The following EPHA6 variants were observed in gnomAD, a reference collection of about 807,000 sequenced individuals.
EPHA6 encodes EPH receptor A6, also known as ephrin type-A receptor 6.
A neutral mutation model predicts 112.0 loss-of-function variants in EPHA6; 50 were observed. The ratio of observed to expected loss-of-function variants is 0.45; its 90% confidence interval spans 0.36 to 0.56. The LOEUF is 0.56. Among genes scored for constraint, EPHA6 ranks in the 20% least tolerant of loss-of-function variants. The pLI, the probability that EPHA6 is intolerant of heterozygous loss-of-function variation, is 0.00. For missense variants in EPHA6, 1,280 were observed against 1,417.4 expected (o/e 0.90, Z 1.56); for synonymous variants, 529 against 490.7 (o/e 1.08, Z -1.03).
chr3:96,922,750 C>T (rs1262644335), intron 2 of EPHA6, among the ~76,000 whole-genome samples: 1 of 151,982 alleles, frequency 6.6e-6, no homozygotes, highest in Non-Finnish European at 1.5e-5. Flanking sequence ...TATCCCATCA[C>T]CTATGTATTA....
At chr3:97,639,732 G>A (rs1450484939) in intron 14 of EPHA6, among the ~76,000 whole-genome samples, 1 of 152,090 alleles carries the variant, frequency 6.6e-6, no homozygotes, top group African/African-American at 2.4e-5. Flanking sequence ...TTAACAACCA[G>A]ACTCTTGGCA....
chr3:97,093,850 C>T (rs772483982), intron 3 of EPHA6, among the ~76,000 whole-genome samples: 1 of 152,082 alleles, frequency 6.6e-6, no homozygotes, highest in Non-Finnish European at 1.5e-5. Context: ...AATGAACATT[C>T]TTTCCCACGG....
Position 96,899,421 on chromosome 3 carries a change from A to C in EPHA6, c.450+32532A>C, listed in dbSNP as rs577246143. ...TTTTACCAGTTCTAGGGGGAACATG[A>C]AGTTTTGGGAAAAACTACTACAAGT... On this transcript the variant is annotated intron_variant, in intron 2 of 17. Transcript: ENST00000389672. Among the ~76,000 whole-genome samples the C allele has an allele frequency of 4.6e-5, 7 of 152,362 alleles. No individual in the cohort carries two copies. The East Asian group carries it at 1.3e-3, about 29-fold the overall frequency.
At chr3:96,923,477 T>C (rs2039877835) in intron 2 of EPHA6, among the ~76,000 whole-genome samples, 2 of 150,830 alleles carry the variant, frequency 1.3e-5, no homozygotes, top group Admixed American at 6.6e-5. Flanking sequence ...TGCCTACTAT[T>C]TAAGGTTTTT....
At chr3:96,954,505 C>T (rs1236519797) in intron 2 of EPHA6, among the ~76,000 whole-genome samples, 2 of 152,078 alleles carry the variant, frequency 1.3e-5, no homozygotes, top group African/African-American at 4.8e-5. Context: ...TCTTTTCATG[C>T]TCTTACCCCA....
At chr3:97,732,606 A>G (rs2035085791) in intron 15 of EPHA6, among the ~76,000 whole-genome samples, 1 of 152,094 alleles carries the variant, frequency 6.6e-6, no homozygotes, top group African/African-American at 2.4e-5. Context: ...TAAAAAATAT[A>G]AGTTTCTTCT....
At chr3:97,479,762 T>C (rs1034122153) in intron 9 of EPHA6, among the ~76,000 whole-genome samples, 3 of 152,194 alleles carry the variant, frequency 2.0e-5, no homozygotes, top group African/African-American at 7.2e-5. Flanking sequence ...ATATAACAAA[T>C]CAATTTACAA....
chr3:97,131,840 C>T (rs909794785), intron 3 of EPHA6, among the ~76,000 whole-genome samples: 14 of 152,226 alleles, frequency 9.2e-5, no homozygotes, highest in African/African-American at 3.1e-4. Flanking sequence ...CGTTATTATA[C>T]AGGTTGTATG....
intron 3 of EPHA6, among the ~76,000 whole-genome samples, chr3:97,115,294 A>G (rs1350175279): frequency 6.6e-6 from 1 of 151,856 alleles, no homozygotes; most frequent in Non-Finnish European, 1.5e-5. Flanking sequence ...GAATATAAAT[A>G]AACCAAATAT....
At chr3:97,435,163 A>T (rs1243301169) in intron 6 of EPHA6, among the ~76,000 whole-genome samples, 1 of 151,986 alleles carries the variant, frequency 6.6e-6, no homozygotes, top group Non-Finnish European at 1.5e-5. Context: ...TTGACTTGTC[A>T]ATGAGAAGAA....
intron 3 of EPHA6, among the ~76,000 whole-genome samples, chr3:97,102,108 C>T (rs1229852492): frequency 6.6e-6 from 1 of 152,084 alleles, no homozygotes; most frequent in African/African-American, 2.4e-5. Flanking sequence ...CAGACACTCT[C>T]TGGAGGCACT....
At chr3:96,981,747 A>AT (rs1381951121) in intron 2 of EPHA6, among the ~76,000 whole-genome samples, 2 of 152,100 alleles carry the variant, frequency 1.3e-5, no homozygotes, top group African/African-American at 4.8e-5. Flanking sequence ...TTGTTGGTCC[A>AT]TTCAGAGATT....
chr3:97,530,727 A>G (rs2092686217), intron 10 of EPHA6, among the ~76,000 whole-genome samples: 1 of 152,026 alleles, frequency 6.6e-6, no homozygotes, highest in Non-Finnish European at 1.5e-5. Context: ...TGTTTAACAT[A>G]TATAGAATAA....
chr3:96,846,271 G>T (rs1385858602), intron 1 of EPHA6, among the ~76,000 whole-genome samples: 1 of 151,946 alleles, frequency 6.6e-6, no homozygotes, highest in African/African-American at 2.4e-5. Context: ...AGTAAATTAA[G>T]AATTCACCAC....
intron 14 of EPHA6, among the ~76,000 whole-genome samples, chr3:97,645,757 C>T (rs894439266): frequency 4.0e-5 from 6 of 151,864 alleles, no homozygotes; most frequent in African/African-American, 1.5e-4. Flanking sequence ...ATATATTTTA[C>T]GTATAATTCA....
intron 2 of EPHA6, among the ~76,000 whole-genome samples, chr3:96,976,860 A>G (rs1332471134): frequency 6.6e-6 from 1 of 152,174 alleles, no homozygotes; most frequent in African/African-American, 2.4e-5. Context: ...AGCTTCACAG[A>G]TTCTTCCTGG....
chr3:97,243,978 G>GT lies in EPHA6; in HGVS notation c.1302dup (p.Asn435Ter). Reference sequence around the variant, plus strand: ...GCCACCTTCAGCTCCTAGGAATGTGGTTTTTAACATCAATGAAACAGCCCT... The same window carrying GT: ...GCCACCTTCAGCTCCTAGGAATGTGGTTTTTTAACATCAATGAAACAGCCCT... On this transcript the variant is annotated frameshift_variant, in exon 5 of 18. Coordinates refer to ENST00000389672, the MANE Select transcript of EPHA6 (RefSeq NM_001080448.3). LOFTEE classifies it high-confidence loss of function. 1.2e-6 allele frequency: 2 copies of GT among 1,610,716 alleles called. No individual in the cohort carries two copies. Among genetic ancestry groups the GT allele is most frequent in the Non-Finnish European group, 1.7e-6 (2 of 1,177,998 alleles).
At chr3:97,092,203 T>C (rs928661842) in intron 3 of EPHA6, among the ~76,000 whole-genome samples, 4 of 152,074 alleles carry the variant, frequency 2.6e-5, no homozygotes, top group Non-Finnish European at 4.4e-5. Flanking sequence ...TACAAATTCT[T>C]ACCATATTTA....
chr3:97,744,560 G>A (rs2107891565), intron 16 of EPHA6, among the ~76,000 whole-genome samples: 1 of 152,110 alleles, frequency 6.6e-6, no homozygotes, highest in Non-Finnish European at 1.5e-5. Flanking sequence ...AGGCCAAAGA[G>A]TAACTAGGTC....
Sources: allele counts gnomAD v4.1 joint callset (sites outside exome capture counted in the v4.1 genomes callset), GRCh38; gene constraint gnomAD v4.1.1; transcripts MANE v1.5; gene names NCBI Gene and HGNC (gene_info 2026-07-23, HGNC 2026-07-21).